The following VAV3 variants were observed in gnomAD, a reference collection of about 807,000 sequenced individuals.
The protein encoded by VAV3 is guanine nucleotide exchange factor VAV3.
A neutral mutation model predicts 131.2 loss-of-function variants in VAV3; 94 were observed. The observed-to-expected ratio is 0.72, with a 90% confidence interval of 0.61 to 0.85. The LOEUF (loss-of-function observed/expected upper bound fraction) is 0.85, where lower values mean the gene tolerates loss of function less well. Among genes scored for constraint, VAV3 ranks in the 40% least tolerant of loss-of-function variants. VAV3 has a pLI of 0.00. For synonymous variants in VAV3, 349 were observed against 342.0 expected (o/e 1.02, Z -0.22); for missense variants, 939 against 1,002.7 (o/e 0.94, Z 0.86).
At chr1:107,578,149 T>A (rs1421850282) in intron 25 of VAV3, among the ~76,000 whole-genome samples, 1 of 152,184 alleles carries the variant, frequency 6.6e-6, no homozygotes, top group Non-Finnish European at 1.5e-5. Flanking sequence ...GGAGTTTAGT[T>A]ATTCTTAGAA....
chr1:107,606,174 A>G (rs1237499386), intron 22 of VAV3, among the ~76,000 whole-genome samples: 4 of 152,304 alleles, frequency 2.6e-5, no homozygotes, highest in African/African-American at 9.6e-5. Context: ...ATTTTATTTT[A>G]CCTAGTAATT....
At chr1:107,817,806 A>G (rs1246914827) in intron 2 of VAV3, among the ~76,000 whole-genome samples, 3 of 152,154 alleles carry the variant, frequency 2.0e-5, no homozygotes, top group Admixed American at 6.5e-5. Flanking sequence ...CAAAAACTCA[A>G]GACAGAAGAG....
At chr1:107,772,921 T>C (rs1225163583) in intron 4 of VAV3, 78 bp from the exon 5 acceptor site, 2 of 1,233,806 alleles carry the variant, frequency 1.6e-6, no homozygotes, top group African/African-American at 1.5e-5. Context: ...TACTGGATTT[T>C]AGTAAAAAAT....
chr1:107,770,290 C>A (rs959378445), intron 6 of VAV3, among the ~76,000 whole-genome samples: 1 of 152,128 alleles, frequency 6.6e-6, no homozygotes, highest in Non-Finnish European at 1.5e-5. Flanking sequence ...CCTCCCCCCC[C>A]ATCACTCTCT....
intron 2 of VAV3, chr1:107,785,401 C>T (rs540048997): frequency 1.7e-4 from 221 of 1,308,674 alleles, no homozygotes; most frequent in Non-Finnish European, 2.1e-4. Flanking sequence ...AAGGAAAGGC[C>T]GGGTTCAGTA....
In VAV3 at chr1:107,805,145, T is replaced by C. The variant is rs192028620; in HGVS notation, c.322-25653A>G. 4.9e-4 allele frequency among the ~76,000 whole-genome samples: 75 copies of C among 152,304 alleles called. No individual in the cohort carries two copies. The East Asian group carries it at 0.013, about 26-fold the overall frequency. Reference sequence around the variant, plus strand: ...TATTATGCTTCTTGGTAAAGCCTTATTGGGGTTGAATCTGTTTGCTGTTTC... The same window carrying C: ...TATTATGCTTCTTGGTAAAGCCTTACTGGGGTTGAATCTGTTTGCTGTTTC... On this transcript the variant is annotated intron_variant, in intron 2 of 26. Transcript: ENST00000370056.
In VAV3 at chr1:107,757,303, C is replaced by T. The variant is rs17541972; in HGVS notation, c.1044G>A (p.Pro348=). The T allele has an allele frequency of 6.3e-3, 10,207 of 1,613,224 alleles. 40 individuals are homozygous for T. Among genetic ancestry groups the T allele is most frequent in the Non-Finnish European group, 7.7e-3 (9,129 of 1,179,644 alleles). The part of the protein sequence containing the change: ...LQELVKHTTD[P]TEKANLKLAL... ...CCAGTTTCAGATTTGCCTTCTCAGT[C>T]GGATCAGTGGTATGTTTGACCAGTT... The change falls in exon 11 of 27, where the codon CCG becomes CCA. Residue 348 remains proline (P), a synonymous_variant. Coordinates refer to ENST00000370056, the MANE Select transcript of VAV3 (RefSeq NM_006113.5).
intron 25 of VAV3, among the ~76,000 whole-genome samples, chr1:107,588,926 G>GTTT: frequency 6.6e-6 from 1 of 152,176 alleles, no homozygotes; most frequent in South Asian, 2.1e-4. Context: ...TTAGGAGCCT[G>GTTT]CATTGGCTAG....
In VAV3 at chr1:107,638,493, T is replaced by C. The variant is rs150524507; in HGVS notation, c.1914+4126A>G. Among the ~76,000 whole-genome samples the C allele has an allele frequency of 6.6e-5, 10 of 152,290 alleles. No homozygotes were observed. The East Asian group carries it at 1.7e-3, about 26-fold the overall frequency. On this transcript the variant is annotated intron_variant, in intron 20 of 26. Transcript: ENST00000370056. ...ATATGACAAAAGATGTATATGACCTTAACTCTGAAAACTGCAAAACACTTC... is the reference window on the plus strand; with the variant it reads ...ATATGACAAAAGATGTATATGACCTCAACTCTGAAAACTGCAAAACACTTC...
intron 11 of VAV3, 141 bp from the exon 12 acceptor site, chr1:107,755,654 C>T (rs1291901653): frequency 1.6e-6 from 1 of 614,804 alleles, no homozygotes; most frequent in Non-Finnish European, 2.8e-6. Context: ...AATGAATGCC[C>T]AGTCAATCAA....
At chr1:107,688,116 G>A (rs1026505321) in intron 18 of VAV3, among the ~76,000 whole-genome samples, 1 of 152,144 alleles carries the variant, frequency 6.6e-6, no homozygotes, top group Non-Finnish European at 1.5e-5. Flanking sequence ...CCTTCCCTCT[G>A]TACTTACAGT....
intron 2 of VAV3, among the ~76,000 whole-genome samples, chr1:107,814,406 T>G (rs1007765057): frequency 6.6e-6 from 1 of 152,174 alleles, no homozygotes; most frequent in Non-Finnish European, 1.5e-5. Context: ...ATTAGTGATG[T>G]TGAGTATTTT....
intron 20 of VAV3, among the ~76,000 whole-genome samples, chr1:107,636,235 C>G (rs1429965116): frequency 6.6e-6 from 1 of 152,132 alleles, no homozygotes. Flanking sequence ...GAGGTGAGAT[C>G]AGTTAGAAGG....
intron 20 of VAV3, among the ~76,000 whole-genome samples, chr1:107,638,726 T>C (rs1655115820): frequency 6.6e-6 from 1 of 151,866 alleles, no homozygotes; most frequent in African/African-American, 2.4e-5. Context: ...CCAAAACACC[T>C]ATGAAAAAAG....
intron 19 of VAV3, chr1:107,672,235 C>T (rs1306818113): frequency 7.3e-6 from 1 of 136,886 alleles, no homozygotes; most frequent in Non-Finnish European, 1.5e-5. Flanking sequence ...TGCCACTGCA[C>T]TCCAGCCTGG....
chr1:107,782,457 C>T (rs933040792), intron 2 of VAV3, among the ~76,000 whole-genome samples: 2 of 152,156 alleles, frequency 1.3e-5, no homozygotes, highest in African/African-American at 4.8e-5. Flanking sequence ...TAAGGACAAA[C>T]ATTTCTGAAA....
At chr1:107,698,226 T>G (rs1008119146) in intron 17 of VAV3, among the ~76,000 whole-genome samples, 6 of 152,224 alleles carry the variant, frequency 3.9e-5, no homozygotes, top group Admixed American at 2.0e-4. Context: ...TACAACGGTA[T>G]GAAAGTCACA....
intron 1 of VAV3, among the ~76,000 whole-genome samples, chr1:107,945,729 G>C (rs1461273232): frequency 6.6e-6 from 1 of 151,788 alleles, no homozygotes; most frequent in Non-Finnish European, 1.5e-5. Flanking sequence ...GGCTGAGGCG[G>C]GAGAATCGCT....
At chr1:107,588,284 A>G (rs1452437664) in intron 25 of VAV3, among the ~76,000 whole-genome samples, 1 of 152,246 alleles carries the variant, frequency 6.6e-6, no homozygotes, top group Non-Finnish European at 1.5e-5. Flanking sequence ...AGAATATAAA[A>G]ATGTCAGCAA....
Sources: allele counts gnomAD v4.1 joint callset (sites outside exome capture counted in the v4.1 genomes callset), GRCh38; gene constraint gnomAD v4.1.1; transcripts MANE v1.5; gene names NCBI Gene and HGNC (gene_info 2026-07-23, HGNC 2026-07-21).